PACSIN2: variants seen among roughly 807,000 people sequenced by gnomAD.
PACSIN2 encodes the protein protein kinase C and casein kinase substrate in neurons protein 2.
PACSIN2 carries 25 observed loss-of-function variants against 63.8 expected under a neutral mutation model. That is an observed-to-expected ratio of 0.39 (90% CI 0.29 to 0.55). The LOEUF (loss-of-function observed/expected upper bound fraction) is 0.55, where lower values mean the gene tolerates loss of function less well. Among genes scored for constraint, PACSIN2 ranks in the 20% least tolerant of loss-of-function variants. The pLI, the probability that PACSIN2 is intolerant of heterozygous loss-of-function variation, is 0.62. For synonymous variants in PACSIN2, 255 were observed against 256.2 expected (o/e 1.00, Z 0.05); for missense variants, 518 against 646.9 (o/e 0.80, Z 2.16).
intron 5 of PACSIN2, among the ~76,000 whole-genome samples, 189 bp from the exon 6 acceptor site, chr22:42,884,750 T>C (rs896881589): frequency 6.6e-6 from 1 of 152,244 alleles, no homozygotes. Context: ...ACTCCTGCCA[T>C]CTGCCCTGTC....
At chr22:42,913,628 T>C (rs937771546) in intron 1 of PACSIN2, among the ~76,000 whole-genome samples, 3 of 152,180 alleles carry the variant, frequency 2.0e-5, no homozygotes, top group South Asian at 2.1e-4. Context: ...ACACCCTTAG[T>C]AAGTGCTACG....
intron 1 of PACSIN2, among the ~76,000 whole-genome samples, chr22:42,964,927 C>T (rs1920940615): frequency 1.3e-5 from 2 of 152,098 alleles, no homozygotes; most frequent in African/African-American, 4.8e-5. Context: ...GAAGATTCCC[C>T]CAAATCTGGT....
intron 1 of PACSIN2, among the ~76,000 whole-genome samples, chr22:42,939,081 C>T (rs963374678): frequency 2.0e-5 from 3 of 152,186 alleles, no homozygotes; most frequent in Non-Finnish European, 4.4e-5. Flanking sequence ...CAAGGTCACC[C>T]GTCCCAGCGC....
chr22:42,902,256 G>A (rs5759018), intron 2 of PACSIN2, among the ~76,000 whole-genome samples: 28,318 of 152,194 alleles, frequency 0.19, 4,267 homozygotes, highest in East Asian at 0.55. Context: ...AGACAGCTCT[G>A]AGGCAAGGCC....
In PACSIN2 at chr22:42,924,796, G is replaced by A. The variant is rs1223241821; in HGVS notation, c.-77-12639C>T. ...TTTCGACACAGTGTCTAGCTCTGTC[G>A]CCCAGGCTGAAGCGCAGTGGCACGA... On this transcript the variant is annotated intron_variant, in intron 1 of 10. Transcript: ENST00000263246. Among the ~76,000 whole-genome samples, 9 of 147,238 alleles carry A rather than the reference G, an allele frequency of 6.1e-5. No individual in the cohort carries two copies. The South Asian group carries it at 1.1e-3, about 18-fold the overall frequency.
chr22:42,894,441 C>T (rs1930139863), intron 2 of PACSIN2, among the ~76,000 whole-genome samples: 1 of 152,156 alleles, frequency 6.6e-6, no homozygotes, highest in Non-Finnish European at 1.5e-5. Flanking sequence ...CAGGGTTTCA[C>T]CATGTTGGCC....
intron 1 of PACSIN2, among the ~76,000 whole-genome samples, chr22:43,009,865 ATT>A (rs898985902): frequency 1.0e-3 from 76 of 75,650 alleles, no homozygotes; most frequent in African/African-American, 2.7e-3. Flanking sequence ...TATTTTTTCT[ATT>A]TTTTTTTTTT....
At chr22:42,923,383 C>T (rs1232417669) in intron 1 of PACSIN2, among the ~76,000 whole-genome samples, 2 of 152,196 alleles carry the variant, frequency 1.3e-5, no homozygotes, top group African/African-American at 4.8e-5. Flanking sequence ...CGCATCTGCT[C>T]ACCTCCACTA....
chr22:42,934,350 G>A (rs1225456534), intron 1 of PACSIN2, among the ~76,000 whole-genome samples: 1 of 152,246 alleles, frequency 6.6e-6, no homozygotes, highest in Non-Finnish European at 1.5e-5. Flanking sequence ...AAGGCACTGT[G>A]TGTGTGCAGA....
chr22:42,940,772 A>G (rs1021177663), intron 1 of PACSIN2, among the ~76,000 whole-genome samples: 3 of 152,328 alleles, frequency 2.0e-5, no homozygotes, highest in Non-Finnish European at 4.4e-5. Flanking sequence ...TGGGTATACA[A>G]ATGGAAAAGA....
intron 2 of PACSIN2, among the ~76,000 whole-genome samples, chr22:42,908,705 G>T (rs1292934246): frequency 6.6e-6 from 1 of 152,172 alleles, no homozygotes; most frequent in Non-Finnish European, 1.5e-5. Flanking sequence ...TCCAAAACTG[G>T]CCCTTAGCTC....
chr22:42,985,931 C>T (rs1922580538), intron 1 of PACSIN2, among the ~76,000 whole-genome samples: 1 of 135,186 alleles, frequency 7.4e-6, no homozygotes, highest in Non-Finnish European at 1.6e-5. Flanking sequence ...CATTACAGGG[C>T]CACTATAGAG....
intron 1 of PACSIN2, among the ~76,000 whole-genome samples, chr22:42,964,694 G>A (rs1434026303): frequency 1.3e-5 from 2 of 152,034 alleles, no homozygotes; most frequent in Non-Finnish European, 2.9e-5. Flanking sequence ...CAAACACAGA[G>A]CCAGGTGATC....
At chr22:43,001,745 C>G (rs1923781480) in intron 1 of PACSIN2, among the ~76,000 whole-genome samples, 1 of 152,178 alleles carries the variant, frequency 6.6e-6, no homozygotes, top group Non-Finnish European at 1.5e-5. Flanking sequence ...CTTTTGCCCA[C>G]AGTAAGGCAA....
chr22:42,887,373 G>C (rs544475601), intron 5 of PACSIN2, among the ~76,000 whole-genome samples: 1 of 152,226 alleles, frequency 6.6e-6, no homozygotes, highest in Admixed American at 6.5e-5. Context: ...TGGATGGCAC[G>C]TGACTTAACC....
intron 1 of PACSIN2, among the ~76,000 whole-genome samples, chr22:42,921,484 A>G (rs903497972): frequency 6.6e-6 from 1 of 152,082 alleles, no homozygotes; most frequent in African/African-American, 2.4e-5. Flanking sequence ...CCACTCTCCC[A>G]TTTAGGGGAA....
chr22:42,893,030 T>C (rs1930022879), intron 3 of PACSIN2, among the ~76,000 whole-genome samples: 1 of 152,240 alleles, frequency 6.6e-6, no homozygotes, highest in Admixed American at 6.5e-5. Context: ...TCCCTTAAAA[T>C]GTAAACTCAG....
At chr22:42,966,972 T>C (rs1329343950) in intron 1 of PACSIN2, among the ~76,000 whole-genome samples, 5 of 152,216 alleles carry the variant, frequency 3.3e-5, no homozygotes, top group Non-Finnish European at 5.9e-5. Flanking sequence ...CTGACAAATA[T>C]TTTTCAGCAC....
At chr22:42,987,773 A>G (rs561860194) in intron 1 of PACSIN2, among the ~76,000 whole-genome samples, 3 of 152,016 alleles carry the variant, frequency 2.0e-5, no homozygotes, top group Admixed American at 1.3e-4. Flanking sequence ...TGACCTCATC[A>G]TCTACCCACC....
Sources: allele counts gnomAD v4.1 joint callset (sites outside exome capture counted in the v4.1 genomes callset), GRCh38; gene constraint gnomAD v4.1.1; transcripts MANE v1.5; gene names NCBI Gene and HGNC (gene_info 2026-07-23, HGNC 2026-07-21).